Variants in CACNA1D observed in about 807,000 individuals in gnomAD.
CACNA1D encodes the protein voltage-dependent L-type calcium channel subunit alpha-1D.
A neutral mutation model predicts 257.1 loss-of-function variants in CACNA1D; 55 were observed. That is an observed-to-expected ratio of 0.21 (90% CI 0.17 to 0.27). The LOEUF (loss-of-function observed/expected upper bound fraction) is 0.27, where lower values mean the gene tolerates loss of function less well. Among genes scored for constraint, CACNA1D ranks in the 10% least tolerant of loss-of-function variants. The probability of loss-of-function intolerance (pLI) is 1.00; values close to 1 mark genes in which losing one functional copy is unlikely to be tolerated. For synonymous variants in CACNA1D, 980 were observed against 1,014.9 expected (o/e 0.97, Z 0.65); for missense variants, 1,876 against 2,784.0 (o/e 0.67, Z 7.34).
At chr3:53,522,526 T>C (rs1039009218) in intron 3 of CACNA1D, among the ~76,000 whole-genome samples, 2 of 152,230 alleles carry the variant, frequency 1.3e-5, no homozygotes, top group African/African-American at 4.8e-5. Flanking sequence ...AGCTGAAAGA[T>C]GCTTGCAAGA....
rs188205296 is a variant in CACNA1D, at chr3:53,520,681, G to A, written c.483+18961G>A. Among the ~76,000 whole-genome samples, 691 of 151,994 alleles carry A rather than the reference G, an allele frequency of 4.5e-3. 4 individuals are homozygous for A. Among genetic ancestry groups the A allele is most frequent in the Non-Finnish European group, 7.8e-3 (528 of 67,988 alleles). ...CTTGGGAGGTTCAAGCCGGAGAATC[G>A]CTTGAACCCAGGAGGTGGAGGTTGC... On this transcript the variant is annotated intron_variant, in intron 3 of 47. Coordinates refer to ENST00000350061, the MANE Select transcript of CACNA1D (RefSeq NM_001128840.3).
chr3:53,701,699 T>C (rs774118661), intron 8 of CACNA1D, among the ~76,000 whole-genome samples: 3 of 152,218 alleles, frequency 2.0e-5, no homozygotes, highest in Non-Finnish European at 4.4e-5. Flanking sequence ...CAACTCACGG[T>C]TGGAGATGCA....
chr3:53,776,502 G>A, intron 35 of CACNA1D, 101 bp from the exon 36 acceptor site: 1 of 1,394,912 alleles, frequency 7.2e-7, no homozygotes, highest in South Asian at 1.2e-5. Flanking sequence ...TTGGAGACAT[G>A]GGTTCCCATG....
chr3:53,538,141 G>GTTGTTTTTTTTTTT (rs2092170774), intron 3 of CACNA1D, among the ~76,000 whole-genome samples: 1 of 90,478 alleles, frequency 1.1e-5, no homozygotes, highest in Admixed American at 1.1e-4. Context: ...AGTTTTTGAA[G>GTTGTTTTTTTTTTT]TTTTTTTTTT....
intron 3 of CACNA1D, among the ~76,000 whole-genome samples, chr3:53,629,059 G>C (rs1449397785): frequency 6.6e-6 from 1 of 152,200 alleles, no homozygotes; most frequent in African/African-American, 2.4e-5. Context: ...TTTGTGGGCC[G>C]TGTGGTTTCT....
At chr3:53,591,924 G>C (rs1291451136) in intron 3 of CACNA1D, among the ~76,000 whole-genome samples, 1 of 152,218 alleles carries the variant, frequency 6.6e-6, no homozygotes, top group Admixed American at 6.5e-5. Context: ...GCAAAACTGG[G>C]TGACAGGCTC....
chr3:53,672,232 C>A (rs2094329815), intron 7 of CACNA1D, among the ~76,000 whole-genome samples: 1 of 152,140 alleles, frequency 6.6e-6, no homozygotes, highest in Non-Finnish European at 1.5e-5. Flanking sequence ...AGCCAGTCTC[C>A]CAGGGGGGTC....
chr3:53,583,707 G>A (rs2093168877), intron 3 of CACNA1D, among the ~76,000 whole-genome samples: 1 of 152,222 alleles, frequency 6.6e-6, no homozygotes, highest in Admixed American at 6.5e-5. Flanking sequence ...GTGCCCAGCA[G>A]AGGGTAGGAA....
At chr3:53,522,789 A>C (rs116139747) in intron 3 of CACNA1D, among the ~76,000 whole-genome samples, 4,347 of 152,248 alleles carry the variant, frequency 0.029, 93 homozygotes, top group Non-Finnish European at 0.044. Flanking sequence ...GAACATTTCA[A>C]ATCTTCTATT....
chr3:53,730,995 A>G (rs2108761934), intron 16 of CACNA1D, 82 bp from the exon 17 acceptor site: 1 of 860,846 alleles, frequency 1.2e-6, no homozygotes, highest in Non-Finnish European at 1.9e-6. Context: ...TTGGAGCATT[A>G]TTGATTCAGA....
Position 53,702,631 on chromosome 3 carries a change from C to G in CACNA1D, c.1221-10C>G. On this transcript the variant is annotated splice_polypyrimidine_tract_variant and intron_variant, in intron 8 of 47. Coordinates refer to ENST00000350061, the MANE Select transcript of CACNA1D (RefSeq NM_001128840.3). ...TCCTGATATGTGCTTGTCCTCTTTG[C>G]CTCCTTCAGAGAATTCTCAAAGGAA... The G allele has an allele frequency of 6.2e-7, 1 of 1,613,204 alleles. No homozygotes were observed. Among genetic ancestry groups the G allele is most frequent in the Non-Finnish European group, 8.5e-7 (1 of 1,179,946 alleles).
rs751909241 is a variant in CACNA1D at position 53,808,684 on chromosome 3, C to T, written c.5785C>T (p.Arg1929Cys). The T allele has an allele frequency of 7.5e-6, 12 of 1,609,290 alleles. No homozygotes were observed. In the East Asian group the frequency reaches 1.1e-4, roughly 15 times the overall value. The change falls in exon 46 of 48, where the codon CGC becomes TGC. Residue 1929 changes from arginine to cysteine, a missense_variant. Arg to Cys is a radical substitution (Grantham distance 180, BLOSUM62 -3). Transcript: ENST00000350061. ...ATCCTCCTTCAACTTTGAGTGCCTG[C>T]GCCGGCAGAGCAGCCAGGAAGAGGT... The part of the protein sequence containing the change: ...RRSSFNFECL[R>C]RQSSQEEVPS...
chr3:53,805,482 C>T (rs1162943969), intron 45 of CACNA1D, among the ~76,000 whole-genome samples: 1 of 152,178 alleles, frequency 6.6e-6, no homozygotes, highest in African/African-American at 2.4e-5. Flanking sequence ...GGAGGCAAAC[C>T]ACACACATGC....
At chr3:53,708,915 C>T (rs1271218434) in intron 9 of CACNA1D, among the ~76,000 whole-genome samples, 2 of 152,154 alleles carry the variant, frequency 1.3e-5, no homozygotes, top group Non-Finnish European at 2.9e-5. Context: ...TTTCACTGAA[C>T]CATGTACCAC....
Position 53,751,950 on chromosome 3 carries a change from G to T in CACNA1D, c.3675+43G>T, listed in dbSNP as rs946931937. 2 of 1,589,622 alleles carry T rather than the reference G, an allele frequency of 1.3e-6. No individual in the cohort carries two copies. The highest frequency in any genetic ancestry group is 1.7e-6 in the Non-Finnish European group (2 of 1,158,018). ...CGTGGGGATCAGGTCCGGGCATTCC[G>T]CACAGCCCCGTGCCCCAAATGCTGA... On this transcript the variant is annotated intron_variant, in intron 28 of 47. Transcript: ENST00000350061. The surrounding 1 kb of genome is among the most constrained non-coding windows in gnomAD (Gnocchi z 4.3).
At chr3:53,772,939 G>C in intron 33 of CACNA1D, 41 bp downstream of exon 33, 1 of 1,535,554 alleles carries the variant, frequency 6.5e-7, no homozygotes, top group Non-Finnish European at 9.0e-7. Flanking sequence ...CCTTTCACTG[G>C]GTAGCCCCAA....
chr3:53,662,206 G>A (rs2094210275), intron 5 of CACNA1D, among the ~76,000 whole-genome samples: 1 of 152,218 alleles, frequency 6.6e-6, no homozygotes, highest in Admixed American at 6.5e-5. Flanking sequence ...GTGCATGTGT[G>A]TATGGAAATA....
intron 3 of CACNA1D, among the ~76,000 whole-genome samples, chr3:53,617,124 G>T (rs1171436899): frequency 1.3e-5 from 2 of 152,056 alleles, no homozygotes; most frequent in African/African-American, 2.4e-5. Flanking sequence ...CCTCTATGTT[G>T]TCAGCAGGAC....
intron 3 of CACNA1D, among the ~76,000 whole-genome samples, chr3:53,607,664 A>T (rs1015087550): frequency 1.3e-5 from 2 of 152,244 alleles, no homozygotes; most frequent in Admixed American, 6.5e-5. Flanking sequence ...CCAGACTTAT[A>T]GTTTTAGCTT....
Sources: gnomAD v4.1 joint callset for allele counts (sites outside exome capture counted in the v4.1 genomes callset) on GRCh38, gnomAD v4.1.1 for gene constraint, Gnocchi (gnomAD v3.1) non-coding constraint, MANE v1.5 for transcripts, NCBI Gene and HGNC (gene_info 2026-07-23, HGNC 2026-07-21) for gene names.